ABLIM3: variants seen among roughly 807,000 people sequenced by gnomAD.
The protein encoded by ABLIM3 is actin binding LIM protein family member 3.
ABLIM3 carries 61 observed loss-of-function variants against 109.5 expected under a neutral mutation model. The ratio of observed to expected loss-of-function variants is 0.56; its 90% confidence interval spans 0.45 to 0.69. The LOEUF is 0.69. ABLIM3 is among the 30% of genes least tolerant of loss of function. The pLI is 0.00. For synonymous variants in ABLIM3, 300 were observed against 324.8 expected (o/e 0.92, Z 0.82); for missense variants, 796 against 889.5 (o/e 0.89, Z 1.34).
intron 2 of ABLIM3, among the ~76,000 whole-genome samples, chr5:149,145,163 G>C (rs1170564196): frequency 6.6e-6 from 1 of 151,952 alleles, no homozygotes; most frequent in South Asian, 2.1e-4. Flanking sequence ...CTCTAGTAGT[G>C]CCCAGTGTCT....
chr5:149,223,919 C>T (rs1372797668), intron 8 of ABLIM3, among the ~76,000 whole-genome samples: 1 of 152,174 alleles, frequency 6.6e-6, no homozygotes, highest in Non-Finnish European at 1.5e-5. Context: ...GGTAAAGACT[C>T]AGCACAGGGA....
At chr5:149,238,499 G>C (rs1649095068) in intron 11 of ABLIM3, among the ~76,000 whole-genome samples, 1 of 152,160 alleles carries the variant, frequency 6.6e-6, no homozygotes. Context: ...GTGTTTAGTA[G>C]AAGCCGCTTG....
At position 149,258,610 on chromosome 5, in the gene ABLIM3, G is replaced by A; in HGVS notation, c.*206G>A. The stretch of plus-strand genomic sequence containing the variant: ...TCTAAGTGCTGTGGGATCTGGGAAG[G>A]GATTTGAGGGGACTCTGTCCTTTTA... On this transcript the variant is annotated 3_prime_UTR_variant, in exon 24 of 24. Transcript: ENST00000309868. 1.5e-6 allele frequency: 2 copies of A among 1,313,636 alleles called. No individual in the cohort carries two copies. The highest frequency in any genetic ancestry group is 2.1e-5 in the South Asian group (1 of 48,174). 81.4% of individuals were successfully genotyped at this position (1,313,636 alleles called of 1,614,324 possible).
intron 21 of ABLIM3, 47 bp from the exon 22 acceptor site, chr5:149,252,154 G>A (rs750591797): frequency 1.1e-5 from 17 of 1,612,346 alleles, no homozygotes; most frequent in Non-Finnish European, 1.4e-5. Context: ...GCAAAGCAAA[G>A]ACTGATGGGC....
At chr5:149,256,384 C>T (rs1754427716) in intron 23 of ABLIM3, among the ~76,000 whole-genome samples, 2 of 152,216 alleles carry the variant, frequency 1.3e-5, no homozygotes, top group East Asian at 1.9e-4. Context: ...GGGGACTCTC[C>T]TATCCAAGGT....
chr5:149,213,678 T>G (rs1043276583), intron 7 of ABLIM3, among the ~76,000 whole-genome samples: 5 of 152,212 alleles, frequency 3.3e-5, no homozygotes, highest in Non-Finnish European at 5.9e-5. Flanking sequence ...GAAATCCTGT[T>G]GGTGGCAGCT....
intron 8 of ABLIM3, chr5:149,220,034 G>C (rs1561601161): frequency 1.3e-5 from 2 of 152,128 alleles, no homozygotes; most frequent in East Asian, 3.9e-4. Flanking sequence ...AAACTTGGCT[G>C]TCTAATATGT....
At chr5:149,164,069 A>G (rs1208400299) in intron 2 of ABLIM3, 2 of 152,148 alleles carry the variant, frequency 1.3e-5, no homozygotes, top group Non-Finnish European at 2.9e-5. Context: ...TAACCATGTT[A>G]TATGTAGTAA....
chr5:149,147,796 A>G (rs1455693595), intron 2 of ABLIM3, among the ~76,000 whole-genome samples: 1 of 152,184 alleles, frequency 6.6e-6, no homozygotes, highest in Non-Finnish European at 1.5e-5. Context: ...TGGTTGTCTC[A>G]TGAGCAAAAA....
intron 2 of ABLIM3, among the ~76,000 whole-genome samples, chr5:149,165,299 C>T (rs984900914): frequency 9.8e-5 from 15 of 152,288 alleles, no homozygotes; most frequent in African/African-American, 3.4e-4. Flanking sequence ...AACTATGGCT[C>T]AAGGGTCAAT....
In ABLIM3 at chr5:149,205,559, T is replaced by A. The variant is rs114051913; in HGVS notation, c.449-1449T>A. On this transcript the variant is annotated intron_variant, in intron 5 of 23. Coordinates refer to ENST00000309868, the MANE Select transcript of ABLIM3 (RefSeq NM_014945.5). ...GTCATTTCAGACCCCTGTCTATCTG[T>A]AAAAGAGAAGGGGGTACCTGACCTC... Among the ~76,000 whole-genome samples the A allele has an allele frequency of 3.0e-3, 462 of 152,240 alleles. 3 individuals are homozygous for A. The highest frequency in any genetic ancestry group is 0.01 in the African/African-American group (434 of 41,524).
At chr5:149,203,799 T>C (rs1758715501) in intron 5 of ABLIM3, among the ~76,000 whole-genome samples, 1 of 152,236 alleles carries the variant, frequency 6.6e-6, no homozygotes, top group Non-Finnish European at 1.5e-5. Flanking sequence ...AGATTATTAC[T>C]ATTGTCAAGC....
At position 149,259,133 on chromosome 5, in the gene ABLIM3, CTGG is replaced by C; in HGVS notation, c.*730_*732del. The C allele has an allele frequency of 9.8e-7, 1 of 1,016,408 alleles. No homozygotes were observed. Among genetic ancestry groups the C allele is most frequent in the Non-Finnish European group, 1.2e-6 (1 of 849,364 alleles). 63.0% of individuals were successfully genotyped at this position (1,016,408 alleles called of 1,614,324 possible). A position where few individuals can be genotyped will look rare whatever the true frequency, so the allele number is the denominator to read the frequency against. Reference sequence around the variant, plus strand: ...CTTCCAACTGGCCCCTTTGCCTGACCTGGACTTGGAGAACCAGAGGAAAAGAGA... The same window carrying C: ...CTTCCAACTGGCCCCTTTGCCTGACCACTTGGAGAACCAGAGGAAAAGAGA... On this transcript the variant is annotated 3_prime_UTR_variant, in exon 24 of 24. Coordinates refer to ENST00000309868, the MANE Select transcript of ABLIM3 (RefSeq NM_014945.5).
intron 10 of ABLIM3, among the ~76,000 whole-genome samples, chr5:149,233,608 GT>G (rs1762080511): frequency 6.6e-6 from 1 of 152,192 alleles, no homozygotes; most frequent in Non-Finnish European, 1.5e-5. Flanking sequence ...CCAATGCAAG[GT>G]GCCTCATTTC....
intron 10 of ABLIM3, 41 bp downstream of exon 10, chr5:149,233,341 C>T (rs374602693): frequency 1.9e-6 from 3 of 1,581,526 alleles, no homozygotes; most frequent in Non-Finnish European, 2.6e-6. Context: ...CTTCTTTATT[C>T]CTGACCTGGT....
intron 3 of ABLIM3, among the ~76,000 whole-genome samples, chr5:149,196,913 G>GT (rs1271185422): frequency 6.6e-6 from 1 of 152,114 alleles, no homozygotes; most frequent in Non-Finnish European, 1.5e-5. Flanking sequence ...AAATCTACTT[G>GT]TTTTTCTGTT....
chr5:149,242,185 G>A (rs537693142), intron 14 of ABLIM3, among the ~76,000 whole-genome samples: 1 of 152,230 alleles, frequency 6.6e-6, no homozygotes, highest in Non-Finnish European at 1.5e-5. Flanking sequence ...CCTGCATGGG[G>A]CTCTGCTGAG....
At position 149,183,670 on chromosome 5, in the gene ABLIM3, G is replaced by A. The variant is rs1450616432; in HGVS notation, c.151+81G>A. 26 of 1,387,964 alleles carry A rather than the reference G, an allele frequency of 1.9e-5. No homozygotes were observed. The East Asian group carries it at 7.0e-4, about 37-fold the overall frequency. 86.0% of individuals were successfully genotyped at this position (1,387,964 alleles called of 1,614,324 possible). A position where few individuals can be genotyped will look rare whatever the true frequency, so the allele number is the denominator to read the frequency against. On this transcript the variant is annotated intron_variant, in intron 3 of 23. Coordinates refer to ENST00000309868, the MANE Select transcript of ABLIM3 (RefSeq NM_014945.5). ...TCAGGTCATGCCTCAGGGGCAGAAA[G>A]AACAAACACAGGTGGCTGGAATATC...
At chr5:149,193,511 T>TAGAAATATCAAAAAG (rs1757690856) in intron 3 of ABLIM3, among the ~76,000 whole-genome samples, 1 of 152,086 alleles carries the variant, frequency 6.6e-6, no homozygotes. Flanking sequence ...GATAGAAAGA[T>TAGAAATATCAAAAAG]AGAAATATCA....
Sources: gnomAD v4.1 joint callset for allele counts (sites outside exome capture counted in the v4.1 genomes callset) on GRCh38, gnomAD v4.1.1 for gene constraint, MANE v1.5 for transcripts, NCBI Gene and HGNC (gene_info 2026-07-23, HGNC 2026-07-21) for gene names.